Variants in GPRIN3 observed in about 807,000 individuals in gnomAD.
GPRIN3 encodes GPRIN family member 3.
In GPRIN3, 12 loss-of-function variants were observed where a neutral mutation model predicts 13.7. That is an observed-to-expected ratio of 0.87 (90% CI 0.56 to 1.42). GPRIN3 has a LOEUF of 1.42. GPRIN3 is among the 40% of genes most tolerant of loss of function. GPRIN3 has a pLI of 0.00. For missense variants in GPRIN3, 1,009 were observed against 958.7 expected (o/e 1.05, Z -0.69); for synonymous variants, 377 against 372.7 (o/e 1.01, Z -0.13).
At chr4:89,254,151 G>GTGTGTGTGTGTGT (rs1553949825) in intron 1 of GPRIN3, among the ~76,000 whole-genome samples, 1 of 140,646 alleles carries the variant, frequency 7.1e-6, no homozygotes, top group Admixed American at 7.0e-5. Context: ...GTGTGTGTGT[G>GTGTGTGTGTGTGT]GAGTGTGTGT....
Position 89,248,012 on chromosome 4 carries a change from A to T in GPRIN3, c.2099T>A (p.Leu700Ter), listed in dbSNP as rs923872552. 2.5e-6 allele frequency: 4 copies of T among 1,613,960 alleles called. No homozygotes were observed. Among genetic ancestry groups the T allele is most frequent in the African/African-American group, 1.3e-5 (1 of 74,890 alleles). The change falls in exon 2 of 2, where the codon TTG becomes TAG. Residue 700 changes from leucine (L) to a stop codon, truncating the protein, a stop_gained. Transcript: ENST00000609438. LOFTEE classifies it high-confidence loss of function. ...GMTWEVYGAS[L>*]DAESLGIAIQ... ...CGCGATTCCCAGGGACTCTGCGTCC[A>T]AGGATGCACCATACACTTCCCAGGT... is the stretch of plus-strand genomic sequence containing the variant.
Position 89,246,450 on chromosome 4 carries a change from G to C in GPRIN3, c.*1330C>G, listed in dbSNP as rs984227497. ...GGCCAGTGCCTTGGAGGATACTCAT[G>C]TGTCTCGGGACACACGTCTCTTCTG... On this transcript the variant is annotated 3_prime_UTR_variant, in exon 2 of 2. Coordinates refer to ENST00000609438, the MANE Select transcript of GPRIN3 (RefSeq NM_198281.3). 6.6e-6 allele frequency: 1 copy of C among 152,174 alleles called. No homozygotes were observed. Among genetic ancestry groups the C allele is most frequent in the African/African-American group, 2.4e-5 (1 of 41,440 alleles). The allele number at this position is 152,174 out of a possible 1,614,324, so 9.4% of individuals were successfully genotyped here. A position where few individuals can be genotyped will look rare whatever the true frequency, so the allele number is the denominator to read the frequency against.
chr4:89,254,715 C>T (rs980248427), intron 1 of GPRIN3, among the ~76,000 whole-genome samples: 3 of 152,116 alleles, frequency 2.0e-5, no homozygotes, highest in Admixed American at 2.0e-4. Flanking sequence ...TACGACAGAA[C>T]GATTTATAAT....
rs1244241980 is a variant in GPRIN3, at chr4:89,240,368, C to G, written c.*7412G>C. 6.6e-6 allele frequency: 1 copy of G among 152,056 alleles called. No homozygotes were observed. Among genetic ancestry groups the G allele is most frequent in the African/African-American group, 2.4e-5 (1 of 41,404 alleles). The allele number at this position is 152,056 out of a possible 1,614,324, so 9.4% of individuals were successfully genotyped here. A position where few individuals can be genotyped will look rare whatever the true frequency, so the allele number is the denominator to read the frequency against. On this transcript the variant is annotated 3_prime_UTR_variant, in exon 2 of 2. Coordinates refer to ENST00000609438, the MANE Select transcript of GPRIN3 (RefSeq NM_198281.3). ...ATCTGCAATTTTTTTTCATTTAAAT[C>G]TTTGACTTCTCTTCGGTGTTGGTAG...
chr4:89,285,342 TATA>T (rs1724372799), intron 1 of GPRIN3, among the ~76,000 whole-genome samples: 1 of 126,036 alleles, frequency 7.9e-6, no homozygotes, highest in African/African-American at 2.5e-5. Context: ...GAACTTAAAG[TATA>T]ATAATTAAAA....
chr4:89,303,293 G>C (rs1724947855), intron 1 of GPRIN3, among the ~76,000 whole-genome samples: 1 of 152,200 alleles, frequency 6.6e-6, no homozygotes, highest in Non-Finnish European at 1.5e-5. Context: ...CAGCCTGTCA[G>C]TTCCTCACAT....
chr4:89,298,907 G>A (rs898824071), intron 1 of GPRIN3, among the ~76,000 whole-genome samples: 1 of 151,892 alleles, frequency 6.6e-6, no homozygotes, highest in African/African-American at 2.4e-5. Context: ...CTCCCTCTCG[G>A]AGGCTCAGAT....
intron 1 of GPRIN3, among the ~76,000 whole-genome samples, chr4:89,305,042 AT>A (rs1724997440): frequency 6.6e-6 from 1 of 152,202 alleles, no homozygotes; most frequent in South Asian, 2.1e-4. Flanking sequence ...AAATGAATGC[AT>A]TCACCTAAAT....
At chr4:89,300,895 C>G (rs975248360) in intron 1 of GPRIN3, among the ~76,000 whole-genome samples, 2 of 152,134 alleles carry the variant, frequency 1.3e-5, no homozygotes, top group African/African-American at 4.8e-5. Context: ...AAAATTTTTA[C>G]TGGAATTTAA....
In GPRIN3 at chr4:89,241,839, A is replaced by T. The variant is rs1722953919; in HGVS notation, c.*5941T>A. On this transcript the variant is annotated 3_prime_UTR_variant, in exon 2 of 2. Transcript: ENST00000609438. Reference sequence around the variant, plus strand: ...ATAGTTTGCTCTACACACAGCCTTTACATGTTATTAAAAGCAATGATATGA... The same window carrying T: ...ATAGTTTGCTCTACACACAGCCTTTTCATGTTATTAAAAGCAATGATATGA... 6.6e-6 allele frequency: 1 copy of T among 152,208 alleles called. No homozygotes were observed. The highest frequency in any genetic ancestry group is 1.5e-5 in the Non-Finnish European group (1 of 68,028). The allele number at this position is 152,208 out of a possible 1,614,324, so 9.4% of individuals were successfully genotyped here. A position where few individuals can be genotyped will look rare whatever the true frequency, so the allele number is the denominator to read the frequency against.
intron 1 of GPRIN3, among the ~76,000 whole-genome samples, chr4:89,253,952 C>G (rs1019250371): frequency 2.6e-4 from 40 of 152,246 alleles, no homozygotes; most frequent in African/African-American, 9.4e-4. Context: ...GTGGGTCAGG[C>G]AAATCGAACA....
chr4:89,260,225 TG>T (rs1381097289), intron 1 of GPRIN3, among the ~76,000 whole-genome samples: 1 of 152,180 alleles, frequency 6.6e-6, no homozygotes, highest in Non-Finnish European at 1.5e-5. Context: ...GGGGCTCTTC[TG>T]CTCTTAGAGA....
At chr4:89,283,420 A>T (rs1176724236) in intron 1 of GPRIN3, among the ~76,000 whole-genome samples, 1 of 152,178 alleles carries the variant, frequency 6.6e-6, no homozygotes, top group Non-Finnish European at 1.5e-5. Flanking sequence ...CTTCCGGGGA[A>T]CCAGTGGAGA....
chr4:89,305,863 C>T (rs1725020853), intron 1 of GPRIN3, among the ~76,000 whole-genome samples: 2 of 152,206 alleles, frequency 1.3e-5, no homozygotes, highest in South Asian at 2.1e-4. Flanking sequence ...TCATACAACG[C>T]CTCAGTCCTC....
intron 1 of GPRIN3, among the ~76,000 whole-genome samples, chr4:89,304,320 T>C (rs1043265212): frequency 3.9e-5 from 6 of 152,302 alleles, no homozygotes; most frequent in Admixed American, 1.3e-4. Flanking sequence ...TTTGTATCAC[T>C]TAAAGCAGTA....
chr4:89,260,210 C>T (rs1008272642), intron 1 of GPRIN3, among the ~76,000 whole-genome samples: 3 of 152,112 alleles, frequency 2.0e-5, no homozygotes, highest in African/African-American at 4.8e-5. Context: ...TGAGATGGTG[C>T]CTTGGGGGCT....
At chr4:89,306,898 G>A (rs1360223852) in intron 1 of GPRIN3, among the ~76,000 whole-genome samples, 2 of 151,856 alleles carry the variant, frequency 1.3e-5, no homozygotes, top group Non-Finnish European at 2.9e-5. Flanking sequence ...CCATTATTGC[G>A]TCTGAAATGA....
intron 1 of GPRIN3, among the ~76,000 whole-genome samples, chr4:89,290,800 T>A (rs374494734): frequency 9.2e-5 from 14 of 152,294 alleles, no homozygotes; most frequent in African/African-American, 3.4e-4. Flanking sequence ...TTGGAATAAA[T>A]AATTTCTCTC....
Position 89,242,442 on chromosome 4 carries a change from G to A in GPRIN3, c.*5338C>T, listed in dbSNP as rs1267826983. 1 of 152,130 alleles carries A rather than the reference G, an allele frequency of 6.6e-6. No individual in the cohort carries two copies. Among genetic ancestry groups the A allele is most frequent in the African/African-American group, 2.4e-5 (1 of 41,434 alleles). 9.4% of individuals were successfully genotyped at this position (152,130 alleles called of 1,614,324 possible). A position where few individuals can be genotyped will look rare whatever the true frequency, so the allele number is the denominator to read the frequency against. On this transcript the variant is annotated 3_prime_UTR_variant, in exon 2 of 2. Transcript: ENST00000609438. ...AAGTCTCCATTTCAACAAAACTTCT[G>A]GTTGCAGCTGTCTTGAGTTTTAAGC...
Sources: gnomAD v4.1 joint callset for allele counts (sites outside exome capture counted in the v4.1 genomes callset) on GRCh38, gnomAD v4.1.1 for gene constraint, MANE v1.5 for transcripts, NCBI Gene and HGNC (gene_info 2026-07-23, HGNC 2026-07-21) for gene names.